RYR1: variants seen among roughly 807,000 people sequenced by gnomAD.
RYR1 encodes the protein ryanodine receptor 1, also known as central core disease of muscle.
A neutral mutation model predicts 583.5 loss-of-function variants in RYR1; 342 were observed. That is an observed-to-expected ratio of 0.59 (90% CI 0.54 to 0.64). The LOEUF (loss-of-function observed/expected upper bound fraction) is 0.64. RYR1 is among the 30% of genes least tolerant of loss of function. The pLI, the probability that RYR1 is intolerant of heterozygous loss-of-function variation, is 0.00. For missense variants in RYR1, 6,032 were observed against 6,917.2 expected, an observed-to-expected ratio of 0.87 and a Z score of 4.54; for synonymous variants, 2,791 against 2,822.5, an observed-to-expected ratio of 0.99 and a Z score of 0.35.
rs753985252 is a variant in RYR1, at chr19:38,448,401, C to T, written c.847C>T (p.His283Tyr). 9.9e-6 allele frequency: 16 copies of T among 1,612,590 alleles called. No individual in the cohort carries two copies. In the Admixed American group the frequency reaches 2.5e-4, roughly 25 times the overall value. The change falls in exon 10 of 106, where the codon CAT becomes TAT. Residue 283 changes from histidine (H) to tyrosine (Y), a missense_variant. Physicochemically the swap from His to Tyr is moderately conservative, Grantham distance 83. Transcript: ENST00000359596. Reference protein sequence around the residue: ...LRWGQPLRVRHVTTGQYLALT... With the variant: ...LRWGQPLRVRYVTTGQYLALT... ...CTGGGGCCAGCCACTCCGAGTCCGG[C>T]ATGTCACTACCGGGCAGTACCTAGC...
chr19:38,528,787 C>A, intron 75 of RYR1, 92 bp downstream of exon 75: 6 of 1,456,358 alleles, frequency 4.1e-6, no homozygotes, highest in African/African-American at 2.8e-5. Flanking sequence ...GTCGGCCCTC[C>A]ACATCAAGGG....
intron 31 of RYR1, among the ~76,000 whole-genome samples, chr19:38,480,364 A>C (rs1968948239): frequency 6.6e-6 from 1 of 151,604 alleles, no homozygotes; most frequent in African/African-American, 2.4e-5. Flanking sequence ...GGCTGGTCTC[A>C]AACTCTTGGG....
At chr19:38,443,501 G>A in intron 3 of RYR1, 57 bp from the exon 4 acceptor site, 1 of 1,498,808 alleles carries the variant, frequency 6.7e-7, no homozygotes, top group South Asian at 1.2e-5. Context: ...CAGACCTCTT[G>A]GGGATCTGGA....
In RYR1 at chr19:38,500,786, C is replaced by T; in HGVS notation, c.7445-35C>T. On this transcript the variant is annotated intron_variant, in intron 46 of 105. Transcript: ENST00000359596. This position sits in a 1 kb window ranked among gnomAD's most constrained non-coding sequence, Gnocchi z 5.9. ...GCTGGGGAGGGAGCGGCTGGGTCCG[C>T]AGGGCATCCCCGAACCCACCCTCCC... The T allele has an allele frequency of 6.2e-7, 1 of 1,613,986 alleles. No individual in the cohort carries two copies. The highest frequency in any genetic ancestry group is 8.5e-7 in the Non-Finnish European group (1 of 1,180,004).
intron 20 of RYR1, 27 bp from the exon 21 acceptor site, chr19:38,463,396 G>T (rs571261404): frequency 1.2e-6 from 2 of 1,600,546 alleles, no homozygotes; most frequent in East Asian, 2.2e-5. Context: ...GGACCTTGGG[G>T]TCTCAAGAAC....
chr19:38,507,352 G>A (rs1229266918), intron 57 of RYR1, among the ~76,000 whole-genome samples: 1 of 140,390 alleles, frequency 7.1e-6, no homozygotes, highest in African/African-American at 2.7e-5. Flanking sequence ...TGAGAGGGGC[G>A]GGGGCTGGGG....
At position 38,543,806 on chromosome 19, in the gene RYR1, C is replaced by G. The variant is rs1348411817; in HGVS notation, c.11943C>G (p.His3981Gln). 1 of 1,613,804 alleles carries G rather than the reference C, an allele frequency of 6.2e-7. No homozygotes were observed. Among genetic ancestry groups the G allele is most frequent in the Non-Finnish European group, 8.5e-7 (1 of 1,180,032 alleles). Residue 3981 changes from histidine (H) to glutamine (Q), a missense_variant, in exon 87 of 106, where the codon CAC becomes CAG. His to Gln is a conservative substitution (Grantham distance 24, BLOSUM62 0). Coordinates refer to ENST00000359596, the MANE Select transcript of RYR1 (RefSeq NM_000540.3). The surrounding 1 kb of genome is among the most constrained non-coding windows in gnomAD (Gnocchi z 4.4). ...CCGGGAACCAGCAGAGCCTGGCGCA[C>G]AGTCGCCTATGGGACGCAGTGGTGG... is the stretch of plus-strand genomic sequence containing the variant. ...PCTGNQQSLAHSRLWDAVVGF... is the reference protein window; with the variant it reads ...PCTGNQQSLAQSRLWDAVVGF...
intron 7 of RYR1, among the ~76,000 whole-genome samples, chr19:38,446,018 A>G (rs1157268355): frequency 2.0e-5 from 3 of 151,924 alleles, no homozygotes; most frequent in African/African-American, 7.3e-5. Flanking sequence ...GAAACAAAAA[A>G]ACCCTCAAAA....
chr19:38,564,047 C>T (rs1452245762), intron 90 of RYR1, among the ~76,000 whole-genome samples: 1 of 152,214 alleles, frequency 6.6e-6, no homozygotes, highest in Admixed American at 6.5e-5. Context: ...TGAGTGCTCT[C>T]TATAAAGCTC....
intron 64 of RYR1, 126 bp from the exon 65 acceptor site, chr19:38,515,961 C>T: frequency 8.4e-7 from 1 of 1,183,612 alleles, no homozygotes; most frequent in Non-Finnish European, 1.2e-6. Flanking sequence ...ACAAGTGGCA[C>T]ACATGGATGA....
In RYR1 at chr19:38,565,890, G is replaced by A. The variant is rs1046151940; in HGVS notation, c.13437+119G>A. The A allele has an allele frequency of 6.0e-6, 7 of 1,167,976 alleles. No homozygotes were observed. Among genetic ancestry groups the A allele is most frequent in the African/African-American group, 1.6e-5 (1 of 62,116 alleles). 72.4% of individuals were successfully genotyped at this position (1,167,976 alleles called of 1,614,324 possible). Reference sequence around the variant, plus strand: ...GAACTGGCTAGGGGGATGGGCACACGCACCCACGGAGGACGCACCCATGGA... The same window carrying A: ...GAACTGGCTAGGGGGATGGGCACACACACCCACGGAGGACGCACCCATGGA... On this transcript the variant is annotated intron_variant, in intron 91 of 105. Coordinates refer to ENST00000359596, the MANE Select transcript of RYR1 (RefSeq NM_000540.3). This position sits in a 1 kb window ranked among gnomAD's most constrained non-coding sequence, Gnocchi z 4.7.
At chr19:38,547,491 C>T (rs1972484081) in intron 88 of RYR1, among the ~76,000 whole-genome samples, 1 of 152,062 alleles carries the variant, frequency 6.6e-6, no homozygotes, top group Non-Finnish European at 1.5e-5. Flanking sequence ...TTCTGTGGAC[C>T]CTCCTGACTG....
chr19:38,525,737 C>T (rs527279852), intron 71 of RYR1, among the ~76,000 whole-genome samples: 1 of 152,024 alleles, frequency 6.6e-6, no homozygotes, highest in South Asian at 2.1e-4. Context: ...AGAGCCCTCA[C>T]TGAAACCTAG....
At chr19:38,584,639 G>C (rs1198521263) in intron 101 of RYR1, among the ~76,000 whole-genome samples, 2 of 52,214 alleles carry the variant, frequency 3.8e-5, no homozygotes, top group Non-Finnish European at 7.0e-5. Flanking sequence ...TGACCCCTCT[G>C]CCTGTGCCCC....
Position 38,525,401 on chromosome 19 carries a change from C to T in RYR1, c.10525C>T (p.Leu3509=), listed in dbSNP as rs1425243391. 1.6e-5 allele frequency: 26 copies of T among 1,613,918 alleles called. No individual in the cohort carries two copies. Among genetic ancestry groups the T allele is most frequent in the African/African-American group, 2.7e-5 (2 of 74,852 alleles). The change falls in exon 71 of 106, where the codon CTG becomes TTG. Residue 3509 remains leucine, a synonymous_variant. Transcript: ENST00000359596. ...RGDRYSVQTS[L]IVATLKKMLP... ...GGACCGGTACTCTGTGCAGACGTCACTGATCGTGGCCACACTGAAGAAGAT... is the reference window on the plus strand; with the variant it reads ...GGACCGGTACTCTGTGCAGACGTCATTGATCGTGGCCACACTGAAGAAGAT...
intron 73 of RYR1, 45 bp downstream of exon 73, chr19:38,527,829 G>A: frequency 6.2e-7 from 1 of 1,610,228 alleles, no homozygotes; most frequent in Non-Finnish European, 8.5e-7. Flanking sequence ...TCTGGGCGGA[G>A]CCTGGCGGGG....
chr19:38,510,384 C>A (rs1970673175), intron 58 of RYR1, 114 bp from the exon 59 acceptor site: 5 of 1,015,266 alleles, frequency 4.9e-6, no homozygotes, highest in Non-Finnish European at 7.7e-6. Context: ...TGACTTCATA[C>A]CAATACTTTA....
At chr19:38,585,887 A>G in intron 102 of RYR1, 51 bp from the exon 103 acceptor site, 2 of 1,606,900 alleles carry the variant, frequency 1.2e-6, no homozygotes. Flanking sequence ...GAGAGGGGGG[A>G]GTCTGAACCA....
Position 38,567,837 on chromosome 19 carries a change from C to G in RYR1, c.13579C>G (p.Pro4527Ala). 6.2e-7 allele frequency: 1 copy of G among 1,614,118 alleles called. No homozygotes were observed. The highest frequency in any genetic ancestry group is 2.2e-5 in the East Asian group (1 of 44,880). The change falls in exon 93 of 106, where the codon CCT (proline) becomes GCT (alanine). Residue 4527 changes from proline (P) to alanine (A), a missense_variant. Physicochemically the swap from Pro to Ala is conservative, Grantham distance 27. Coordinates refer to ENST00000359596, the MANE Select transcript of RYR1 (RefSeq NM_000540.3). ...ACCAGAGCCCCCCAAGAAGCAAGCACCTCCCTCACCCCCTCCAAAGAAGGA... is the reference window on the plus strand; with the variant it reads ...ACCAGAGCCCCCCAAGAAGCAAGCAGCTCCCTCACCCCCTCCAAAGAAGGA... ...PTPEPPKKQA[P>A]PSPPPKKEEA...
Sources: allele counts gnomAD v4.1 joint callset (sites outside exome capture counted in the v4.1 genomes callset), GRCh38; gene constraint gnomAD v4.1.1; non-coding constraint Gnocchi (gnomAD v3.1); transcripts MANE v1.5; gene names NCBI Gene and HGNC (gene_info 2026-07-23, HGNC 2026-07-21).